The following ABCC4 variants were observed in gnomAD, a reference collection of about 807,000 sequenced individuals.
The protein encoded by ABCC4 is ATP-binding cassette sub-family C member 4.
In ABCC4, 102 loss-of-function variants were observed where a neutral mutation model predicts 168.5. That is an observed-to-expected ratio of 0.61 (90% CI 0.52 to 0.71). The LOEUF is 0.71. ABCC4 is among the 30% of genes least tolerant of loss of function. ABCC4 has a pLI of 0.00. For missense variants in ABCC4, 1,402 were observed against 1,605.8 expected, an observed-to-expected ratio of 0.87 and a Z score of 2.17; for synonymous variants, 617 against 590.7, an observed-to-expected ratio of 1.04 and a Z score of -0.65.
At chr13:95,166,021 A>G (rs2037258636) in intron 15 of ABCC4, 137 bp downstream of exon 15, 3 of 808,486 alleles carry the variant, frequency 3.7e-6, no homozygotes, top group Admixed American at 5.3e-5. Flanking sequence ...ATCTACCAAT[A>G]TCATGGAATA....
At chr13:95,050,482 C>A (rs1477552248) in intron 27 of ABCC4, among the ~76,000 whole-genome samples, 1 of 152,138 alleles carries the variant, frequency 6.6e-6, no homozygotes, top group Non-Finnish European at 1.5e-5. Context: ...CTCATTACCC[C>A]CAAACGAGCA....
At chr13:95,066,362 T>A (rs1398519304) in intron 25 of ABCC4, among the ~76,000 whole-genome samples, 2 of 152,226 alleles carry the variant, frequency 1.3e-5, no homozygotes, top group African/African-American at 4.8e-5. Flanking sequence ...ATTCCTTCTA[T>A]CTTACGGAGC....
chr13:95,215,427 A>C (rs1432264423), intron 4 of ABCC4, among the ~76,000 whole-genome samples: 1 of 152,182 alleles, frequency 6.6e-6, no homozygotes. Flanking sequence ...AAATAAAAAG[A>C]AGACAAATTA....
At chr13:95,042,171 T>G (rs2032390145) in intron 29 of ABCC4, among the ~76,000 whole-genome samples, 1 of 152,156 alleles carries the variant, frequency 6.6e-6, no homozygotes, top group Non-Finnish European at 1.5e-5. Flanking sequence ...ATGCTTGCCT[T>G]TCCCTCCTCC....
At chr13:95,065,528 A>G (rs1280628716) in intron 25 of ABCC4, among the ~76,000 whole-genome samples, 1 of 152,206 alleles carries the variant, frequency 6.6e-6, no homozygotes, top group Non-Finnish European at 1.5e-5. Flanking sequence ...TAGCTACATA[A>G]TATTACAGTA....
chr13:95,166,941 C>T (rs1436128658), intron 14 of ABCC4, among the ~76,000 whole-genome samples: 2 of 152,104 alleles, frequency 1.3e-5, no homozygotes, highest in Non-Finnish European at 2.9e-5. Context: ...AATCCCAGCA[C>T]TTTGGAAGAC....
intron 29 of ABCC4, among the ~76,000 whole-genome samples, chr13:95,041,425 G>A (rs1732984274): frequency 1.3e-5 from 2 of 152,122 alleles, no homozygotes; most frequent in African/African-American, 4.8e-5. Context: ...CCGTCTTTGT[G>A]GAGAAGTATT....
chr13:95,157,555 G>C (rs1459447672), intron 19 of ABCC4, among the ~76,000 whole-genome samples: 3 of 152,020 alleles, frequency 2.0e-5, no homozygotes, highest in African/African-American at 7.3e-5. Flanking sequence ...AGAAAGAAAA[G>C]AGAAAGAGAG....
chr13:95,063,351 C>CA (rs1387290068), intron 25 of ABCC4, among the ~76,000 whole-genome samples: 6 of 152,168 alleles, frequency 3.9e-5, no homozygotes, highest in Non-Finnish European at 8.8e-5. Flanking sequence ...TAATTCAAGA[C>CA]AGAGGTGTCA....
At chr13:95,030,654 G>A (rs948233919) in intron 30 of ABCC4, among the ~76,000 whole-genome samples, 8 of 152,066 alleles carry the variant, frequency 5.3e-5, no homozygotes, top group African/African-American at 1.7e-4. Flanking sequence ...AAAAGACCCC[G>A]TGAACAGACC....
At chr13:95,188,400 G>A in intron 10 of ABCC4, 53 bp downstream of exon 10, 1 of 1,534,432 alleles carries the variant, frequency 6.5e-7, no homozygotes, top group East Asian at 2.2e-5. Context: ...AACCCACGAA[G>A]TTAATATGAT....
Position 95,064,258 on chromosome 13 carries a change from G to GTA in ABCC4, c.3211-1400_3211-1399insTA, listed in dbSNP as rs2033422125. Among the ~76,000 whole-genome samples, 4 of 8,978 alleles carry GTA rather than the reference G, an allele frequency of 4.5e-4. No individual in the cohort carries two copies. In the South Asian group the frequency reaches 0.028, roughly 62 times the overall value. 5.9% of individuals were successfully genotyped at this position (8,978 alleles called of 152,430 possible). On this transcript the variant is annotated intron_variant, in intron 25 of 30. Coordinates refer to ENST00000645237, the MANE Select transcript of ABCC4 (RefSeq NM_005845.5). ...TAGGTACATCCGGGTGTGTGTGTGT[G>GTA]TGTATATATATATATATATATATAT...
At chr13:95,153,172 G>A (rs1205171060) in intron 19 of ABCC4, among the ~76,000 whole-genome samples, 2 of 152,164 alleles carry the variant, frequency 1.3e-5, no homozygotes, top group African/African-American at 4.8e-5. Flanking sequence ...ATTCTTTTCT[G>A]ACAATAAGGT....
At chr13:95,026,355 A>G (rs1451789032) in intron 30 of ABCC4, among the ~76,000 whole-genome samples, 2 of 125,038 alleles carry the variant, frequency 1.6e-5, no homozygotes, top group African/African-American at 2.6e-5. Flanking sequence ...GCAAACAAAC[A>G]AAATAACTAA....
chr13:95,209,419 C>G lies in ABCC4; in HGVS notation c.785+15G>C. On this transcript the variant is annotated intron_variant, in intron 6 of 30. Coordinates refer to ENST00000645237, the MANE Select transcript of ABCC4 (RefSeq NM_005845.5). ...CAAATACATATGACATTTTTCACAG[C>G]AGTATTTCTCTTACCTCAGTGATGA... 6.2e-7 allele frequency: 1 copy of G among 1,611,694 alleles called. No homozygotes were observed.
Position 95,247,745 on chromosome 13 carries a change from T to C in ABCC4, c.83A>G (p.Asn28Ser), listed in dbSNP as rs1176985764. ...TTTATGGCCAATTTTAAACAAGGGA[T>C]TGAGCCACCTGTTAACAAGAGAAAA... ...LCSRVFFWWLNPLFKIGHKRR... is the reference protein window; with the variant it reads ...LCSRVFFWWLSPLFKIGHKRR... The change falls in exon 2 of 31, where the codon AAT becomes AGT. Residue 28 changes from asparagine to serine, a missense_variant. Physicochemically the swap from Asn to Ser is conservative, Grantham distance 46. This residue lies in a region of ABCC4 where 317 missense variants were observed against 345.5 expected (regional missense o/e 0.92). Transcript: ENST00000645237. 6.2e-7 allele frequency: 1 copy of C among 1,612,460 alleles called. No individual in the cohort carries two copies. The highest frequency in any genetic ancestry group is 1.7e-5 in the Admixed American group (1 of 59,992).
intron 1 of ABCC4, among the ~76,000 whole-genome samples, chr13:95,249,622 A>C (rs1225120710): frequency 6.6e-6 from 1 of 152,170 alleles, no homozygotes; most frequent in Admixed American, 6.5e-5. Flanking sequence ...TGTCCAGAAG[A>C]CTGTAACCTA....
In ABCC4 at chr13:95,286,372, G is replaced by A. The variant is rs574976354; in HGVS notation, c.74+14869C>T. Among the ~76,000 whole-genome samples the A allele has an allele frequency of 1.1e-3, 174 of 151,836 alleles. 1 individual carries two copies. The highest frequency in any genetic ancestry group is 2.0e-3 in the Non-Finnish European group (135 of 67,934). On this transcript the variant is annotated intron_variant, in intron 1 of 30. Transcript: ENST00000645237. ...TGACCTCAGGTGATCCGCCTGCCTC[G>A]GCCTCCCAAAGTGCTGAGATTACAG...
At chr13:95,156,479 A>G (rs2036858258) in intron 19 of ABCC4, among the ~76,000 whole-genome samples, 1 of 152,206 alleles carries the variant, frequency 6.6e-6, no homozygotes, top group South Asian at 2.1e-4. Flanking sequence ...AATAAAAATC[A>G]TCTCTTAATT....
Sources: allele counts gnomAD v4.1 joint callset (sites outside exome capture counted in the v4.1 genomes callset), GRCh38; gene constraint gnomAD v4.1.1; regional missense constraint gnomAD v4.1.1; transcripts MANE v1.5; gene names NCBI Gene and HGNC (gene_info 2026-07-23, HGNC 2026-07-21).